The following POP5 variants were observed in gnomAD, a reference collection of about 807,000 sequenced individuals.
POP5 encodes ribonuclease P/MRP protein subunit POP5.
Under a neutral mutation model 20.7 loss-of-function variants are expected in POP5, and 18 were observed. That is an observed-to-expected ratio of 0.87 (90% CI 0.60 to 1.29). The LOEUF is 1.29. POP5 is among the 50% of genes most tolerant of loss of function. The pLI is 0.00. For synonymous variants in POP5, 91 were observed against 78.0 expected (o/e 1.17, Z -0.88); for missense variants, 200 against 203.2 (o/e 0.98, Z 0.10).
intron 2 of POP5, 142 bp downstream of exon 2, chr12:120,580,973 G>T: frequency 7.5e-7 from 1 of 1,324,546 alleles, no homozygotes; most frequent in Non-Finnish European, 1.0e-6. Flanking sequence ...CTCGCTTGGG[G>T]TCCCAGGCGC....
chr12:120,579,670 A>G (rs567455742), intron 3 of POP5, 73 bp from the exon 4 acceptor site: 1 of 1,543,584 alleles, frequency 6.5e-7, no homozygotes, highest in South Asian at 1.1e-5. Flanking sequence ...GGTAGGGGGA[A>G]GTGTCTTGTT....
In POP5 at chr12:120,579,850, T is replaced by G; in HGVS notation, c.237A>C (p.Ser79=). The G allele has an allele frequency of 6.2e-7, 1 of 1,608,092 alleles. No homozygotes were observed. Among genetic ancestry groups the G allele is most frequent in the Non-Finnish European group, 8.5e-7 (1 of 1,174,474 alleles). ...CRKEFYQLVW[S]ALPFITYLEN... is the part of the protein sequence containing the mutation. ...CCAAGTATGTGATGAAGGGAAGAGC[T>G]GACCACACAAGCTGATAGAATTCTT... is the stretch of plus-strand genomic sequence containing the variant. Residue 79 remains serine, a synonymous_variant, in exon 3 of 5, where the codon TCA becomes TCC. Coordinates refer to ENST00000357500, the MANE Select transcript of POP5 (RefSeq NM_015918.4).
At position 120,581,171 on chromosome 12, in the gene POP5, G is replaced by A. The variant is rs1877845831; in HGVS notation, c.107C>T (p.Thr36Met). 5.0e-6 allele frequency: 8 copies of A among 1,613,706 alleles called. No homozygotes were observed. The highest frequency in any genetic ancestry group is 6.8e-6 in the Non-Finnish European group (8 of 1,180,058). ...DRVLSSLVRD[T>M]IARVHGTFGA... is the part of the protein sequence containing the mutation. ...GAAAGTTCCGTGCACCCTGGCGATC[G>A]TGTCCCGTACGAGGCTGCTCAGAAC... is the stretch of plus-strand genomic sequence containing the variant. The change falls in exon 2 of 5, where the codon ACG (threonine) becomes ATG (methionine). Residue 36 changes from threonine to methionine, a missense_variant. By Grantham distance (81) the Thr-to-Met change is moderately conservative (BLOSUM62 -1). Coordinates refer to ENST00000357500, the MANE Select transcript of POP5 (RefSeq NM_015918.4).
In POP5 at chr12:120,579,369, T is replaced by TAA; in HGVS notation, c.439_440dup (p.Leu147PhefsTer3). The TAA allele has an allele frequency of 6.2e-7, 1 of 1,614,212 alleles. No homozygotes were observed. The highest frequency in any genetic ancestry group is 1.7e-5 in the Admixed American group (1 of 60,028). On this transcript the variant is annotated frameshift_variant, in exon 5 of 5. Transcript: ENST00000357500. LOFTEE classifies it high-confidence loss of function. Reference sequence around the variant, plus strand: ...CACCTGACTCCTCCTCCTCCTCTAATAAGCAGCTTCTTGTCACAGACTTCT... The same window carrying TAA: ...CACCTGACTCCTCCTCCTCCTCTAATAAAAGCAGCTTCTTGTCACAGACTTCT...
In POP5 at chr12:120,578,942, C is replaced by T; in HGVS notation, c.*376G>A. The T allele has an allele frequency of 4.1e-6, 1 of 243,936 alleles. No homozygotes were observed. The highest frequency in any genetic ancestry group is 5.0e-5 in the Admixed American group (1 of 19,902). 15.1% of individuals were successfully genotyped at this position (243,936 alleles called of 1,614,324 possible). A position where few individuals can be genotyped will look rare whatever the true frequency, so the allele number is the denominator to read the frequency against. Reference sequence around the variant, plus strand: ...AAAAAAAAAAGTTTAACTAGTACCACATAGGGAGTCAGTCTTCCCACCAAG... The same window carrying T: ...AAAAAAAAAAGTTTAACTAGTACCATATAGGGAGTCAGTCTTCCCACCAAG... On this transcript the variant is annotated 3_prime_UTR_variant, in exon 5 of 5. Transcript: ENST00000357500.
intron 2 of POP5, 107 bp from the exon 3 acceptor site, chr12:120,580,030 T>C: frequency 8.9e-7 from 1 of 1,120,448 alleles, no homozygotes; most frequent in Non-Finnish European, 1.3e-6. Flanking sequence ...TCACTTTAAG[T>C]CAGGAGTTCG....
chr12:120,579,101 T>C lies in POP5; in HGVS notation c.*217A>G, dbSNP rs1877698354. 1 of 591,916 alleles carries C rather than the reference T, an allele frequency of 1.7e-6. No individual in the cohort carries two copies. The highest frequency in any genetic ancestry group is 1.9e-5 in the African/African-American group (1 of 53,674). 36.7% of individuals were successfully genotyped at this position (591,916 alleles called of 1,614,324 possible). ...TACTCTTAGCCAAGCAATAAAGATG[T>C]CTACAGAGTTCACAACCTGCAACAC... On this transcript the variant is annotated 3_prime_UTR_variant, in exon 5 of 5. Transcript: ENST00000357500.
At chr12:120,579,730 G>A (rs765190630) in intron 3 of POP5, 44 bp downstream of exon 3, 31 of 1,569,758 alleles carry the variant, frequency 2.0e-5, no homozygotes, top group Non-Finnish European at 2.5e-5. Flanking sequence ...AACTGTGAAC[G>A]TGTCACCAAT....
chr12:120,579,967 T>A, intron 2 of POP5, 44 bp from the exon 3 acceptor site: 1 of 1,580,020 alleles, frequency 6.3e-7, no homozygotes, highest in Non-Finnish European at 8.6e-7. Flanking sequence ...TTTTGCTCTG[T>A]GTGGTGGCTC....
Position 120,579,536 on chromosome 12 carries a change from C to T in POP5, c.375G>A (p.Leu125=). 1 of 1,614,172 alleles carries T rather than the reference C, an allele frequency of 6.2e-7. No homozygotes were observed. Among genetic ancestry groups the T allele is most frequent in the Non-Finnish European group, 8.5e-7 (1 of 1,179,984 alleles). Reference sequence around the variant, plus strand: ...TACCTTCATCAGTGCAGTTCTGCAACAAGATCAACAGCTGTCTCCTGTTGT... The same window carrying T: ...TACCTTCATCAGTGCAGTTCTGCAATAAGATCAACAGCTGTCTCCTGTTGT... ...IQYNRRQLLI[L]LQNCTDEGER... is the part of the protein sequence containing the mutation. The change falls in exon 4 of 5, where the codon TTG becomes TTA. Residue 125 remains leucine (L), a synonymous_variant. Transcript: ENST00000357500.
intron 3 of POP5, 22 bp from the exon 4 acceptor site, chr12:120,579,619 T>C: frequency 6.2e-7 from 1 of 1,602,278 alleles, no homozygotes; most frequent in Non-Finnish European, 8.6e-7. Context: ...GTTACTGTGG[T>C]CAACAGCTTG....
intron 2 of POP5, 65 bp from the exon 3 acceptor site, chr12:120,579,988 T>C: frequency 6.7e-7 from 1 of 1,497,930 alleles, no homozygotes; most frequent in Admixed American, 1.8e-5. Flanking sequence ...ACGCCTGTAA[T>C]CCCAGCACTT....
Position 120,581,161 on chromosome 12 carries a change from C to A in POP5, c.117G>T (p.Arg39Ser), listed in dbSNP as rs200099424. ...LSSLVRDTIA[R>S]VHGTFGAAAC... ...CGGCTGCGCCGAAAGTTCCGTGCAC[C>A]CTGGCGATCGTGTCCCGTACGAGGC... Residue 39 changes from arginine (R) to serine (S), a missense_variant, in exon 2 of 5, where the codon AGG (arginine) becomes AGT (serine). Coordinates refer to ENST00000357500, the MANE Select transcript of POP5 (RefSeq NM_015918.4). 2.1e-4 allele frequency: 338 copies of A among 1,613,682 alleles called. No individual in the cohort carries two copies. The highest frequency in any genetic ancestry group is 5.3e-4 in the Admixed American group (32 of 60,032).
At position 120,581,115 on chromosome 12, in the gene POP5, C is replaced by T; in HGVS notation, c.163G>A (p.Val55Ile). 1 of 1,610,242 alleles carries T rather than the reference C, an allele frequency of 6.2e-7. No homozygotes were observed. The highest frequency in any genetic ancestry group is 8.5e-7 in the Non-Finnish European group (1 of 1,179,824). Residue 55 changes from valine to isoleucine, a missense_variant and splice_region_variant, in exon 2 of 5, where the codon GTT becomes ATT. Physicochemically the swap from Val to Ile is conservative, Grantham distance 29. Transcript: ENST00000357500. ...CCCTCTTCCCCCAGCGCCCTTGCAC[C>T]CGCGAAGCCGATGGAGCAGGCGGCT... ...GAAACSIGFAVRYLNAYTGIV... is the reference protein window; with the variant it reads ...GAAACSIGFAIRYLNAYTGIV...
intron 2 of POP5, 98 bp downstream of exon 2, chr12:120,581,017 G>T: frequency 3.3e-6 from 5 of 1,524,848 alleles, no homozygotes; most frequent in Non-Finnish European, 4.4e-6. Flanking sequence ...CGGTGCACGG[G>T]CTTGGCCACT....
intron 2 of POP5, 102 bp from the exon 3 acceptor site, chr12:120,580,025 T>G: frequency 8.5e-7 from 1 of 1,182,530 alleles, no homozygotes. Flanking sequence ...GCAGATCACT[T>G]TAAGTCAGGA....
chr12:120,579,439 A>G (rs1333650174), intron 4 of POP5, 27 bp from the exon 5 acceptor site: 1 of 1,609,910 alleles, frequency 6.2e-7, no homozygotes, highest in African/African-American at 1.3e-5. Flanking sequence ...ACAGGGATGA[A>G]AGATATCTTT....
rs115419172 is a variant in POP5, at chr12:120,578,868, G to A, written c.*450C>T. On this transcript the variant is annotated 3_prime_UTR_variant, in exon 5 of 5. Transcript: ENST00000357500. ...CAGGAGGCGGAGGTTGCAGTGAGCCGATACTGGGCCACTACACTCCAGCCT... is the reference window on the plus strand; with the variant it reads ...CAGGAGGCGGAGGTTGCAGTGAGCCAATACTGGGCCACTACACTCCAGCCT... The A allele has an allele frequency of 0.019, 2,980 of 160,440 alleles. 97 individuals are homozygous for A. Among genetic ancestry groups the A allele is most frequent in the African/African-American group, 0.067 (2,800 of 41,554 alleles). 9.9% of individuals were successfully genotyped at this position (160,440 alleles called of 1,614,324 possible). A position where few individuals can be genotyped will look rare whatever the true frequency, so the allele number is the denominator to read the frequency against.
At chr12:120,580,315 C>A (rs893553521) in intron 2 of POP5, among the ~76,000 whole-genome samples, 1 of 152,220 alleles carries the variant, frequency 6.6e-6, no homozygotes, top group Non-Finnish European at 1.5e-5. Flanking sequence ...GCACGTAGAT[C>A]TATCAGCGAG....
Sources: allele counts gnomAD v4.1 joint callset (sites outside exome capture counted in the v4.1 genomes callset), GRCh38; gene constraint gnomAD v4.1.1; transcripts MANE v1.5; gene names NCBI Gene and HGNC (gene_info 2026-07-23, HGNC 2026-07-21).